Variants in ATP13A4 observed in about 807,000 individuals in gnomAD.
ATP13A4 encodes the protein ATPase 13A4.
Under a neutral mutation model 142.5 loss-of-function variants are expected in ATP13A4, and 114 were observed. The ratio of observed to expected loss-of-function variants is 0.80; its 90% CI spans 0.69 to 0.93. The LOEUF (loss-of-function observed/expected upper bound fraction) is 0.93, where lower values mean the gene tolerates loss of function less well. ATP13A4 is among the 40% of genes least tolerant of loss of function. ATP13A4 has a pLI of 0.00. For missense variants in ATP13A4, 1,392 were observed against 1,454.0 expected (o/e 0.96, Z 0.69); for synonymous variants, 488 against 514.8 (o/e 0.95, Z 0.70).
At chr3:193,554,908 G>A (rs1046684394), upstream of ATP13A4, 10 of 1,609,096 alleles carry the variant, frequency 6.2e-6, no homozygotes, top group South Asian at 3.3e-5. Context: ...AAGAGTTAAT[G>A]ATCCTCCAGG....
At chr3:193,415,790 A>C (rs1715029248) in intron 25 of ATP13A4, among the ~76,000 whole-genome samples, 1 of 152,194 alleles carries the variant, frequency 6.6e-6, no homozygotes, top group Admixed American at 6.5e-5. Context: ...TAACCATCTA[A>C]AGCCTGGAAG....
chr3:193,537,485 G>A (rs1287853168), intron 1 of ATP13A4, among the ~76,000 whole-genome samples: 1 of 152,090 alleles, frequency 6.6e-6, no homozygotes, highest in Non-Finnish European at 1.5e-5. Context: ...AAAAAATGTT[G>A]GAGAAAATCT....
chr3:193,459,106 A>G lies in ATP13A4; in HGVS notation c.1649T>C (p.Leu550Pro), dbSNP rs1717801046. 6.2e-7 allele frequency: 1 copy of G among 1,614,102 alleles called. No individual in the cohort carries two copies. The highest frequency in any genetic ancestry group is 8.5e-7 in the Non-Finnish European group (1 of 1,180,034). The stretch of plus-strand genomic sequence containing the variant: ...CCAGGTGGTGGCTTCAAACATTTTG[A>G]GGTCCAGAGGGTCTCCCTGGATGGT... ...DGTIQGDPLD[L>P]KMFEATTWEM... Residue 550 changes from leucine (L) to proline (P), a missense_variant, in exon 14 of 30, where the codon CTC becomes CCC. Leu to Pro is a moderately conservative substitution (Grantham distance 98, BLOSUM62 -3). Coordinates refer to ENST00000342695, the MANE Select transcript of ATP13A4 (RefSeq NM_032279.4).
intron 3 of ATP13A4, among the ~76,000 whole-genome samples, chr3:193,497,178 G>A (rs1220396098): frequency 3.9e-5 from 6 of 152,110 alleles, no homozygotes; most frequent in African/African-American, 1.4e-4. Context: ...CATCTGACAA[G>A]GGGTTAATAT....
chr3:193,403,695 A>C, intron 29 of ATP13A4: 1 of 932,882 alleles, frequency 1.1e-6, no homozygotes, highest in Non-Finnish European at 1.3e-6. Flanking sequence ...TGAGCCTTGA[A>C]TAGAGCCCAA....
intron 25 of ATP13A4, chr3:193,416,940 A>G (rs752035920): frequency 6.6e-6 from 1 of 152,198 alleles, no homozygotes; most frequent in Non-Finnish European, 1.5e-5. Context: ...AAAAAACAAA[A>G]CAAAACAAAG....
intron 17 of ATP13A4, among the ~76,000 whole-genome samples, chr3:193,450,746 G>A (rs768017494): frequency 2.0e-5 from 3 of 152,094 alleles, no homozygotes; most frequent in Admixed American, 1.3e-4. Context: ...AAATCTGGCC[G>A]TGGCCAACCC....
intron 1 of ATP13A4, among the ~76,000 whole-genome samples, chr3:193,537,361 A>G (rs1722643283): frequency 6.6e-6 from 1 of 151,956 alleles, no homozygotes; most frequent in Admixed American, 6.6e-5. Flanking sequence ...ACAAATGGCC[A>G]TCAAGTAATT....
chr3:193,526,957 C>T (rs2108697291), intron 1 of ATP13A4, among the ~76,000 whole-genome samples: 1 of 152,244 alleles, frequency 6.6e-6, no homozygotes, highest in South Asian at 2.1e-4. Flanking sequence ...AAAAATGCCA[C>T]ATACTCTCAA....
intron 1 of ATP13A4, among the ~76,000 whole-genome samples, chr3:193,527,512 G>T (rs9834288): frequency 0.18 from 27,508 of 151,730 alleles, 2,567 homozygotes; most frequent in East Asian, 0.24. Flanking sequence ...CTTGGGAAGC[G>T]GAGGCATGAG....
intron 2 of ATP13A4, among the ~76,000 whole-genome samples, chr3:193,503,149 G>A (rs1426066835): frequency 2.0e-5 from 3 of 152,216 alleles, no homozygotes; most frequent in South Asian, 2.1e-4. Flanking sequence ...CAGGGATCAC[G>A]TTTTATTGTT....
chr3:193,445,895 G>A (rs968423061), intron 18 of ATP13A4, among the ~76,000 whole-genome samples: 1 of 151,938 alleles, frequency 6.6e-6, no homozygotes, highest in Non-Finnish European at 1.5e-5. Flanking sequence ...ACAACTGAAC[G>A]ATTCAAAAGG....
intron 11 of ATP13A4, among the ~76,000 whole-genome samples, chr3:193,465,795 T>A (rs2108643473): frequency 6.6e-6 from 1 of 152,334 alleles, no homozygotes; most frequent in Admixed American, 6.5e-5. Context: ...AGTACACTGA[T>A]ATATCAATAA....
intron 3 of ATP13A4, among the ~76,000 whole-genome samples, chr3:193,497,367 G>A (rs916083952): frequency 2.0e-5 from 3 of 152,120 alleles, no homozygotes; most frequent in Non-Finnish European, 4.4e-5. Flanking sequence ...ACCACAGTGA[G>A]CTATCACCTC....
At chr3:193,510,393 A>T (rs1721080477) in intron 2 of ATP13A4, among the ~76,000 whole-genome samples, 1 of 152,176 alleles carries the variant, frequency 6.6e-6, no homozygotes, top group Non-Finnish European at 1.5e-5. Flanking sequence ...TCTGCACACC[A>T]CGGGTCTTTG....
At chr3:193,408,575 T>A (rs1288154875) in intron 28 of ATP13A4, among the ~76,000 whole-genome samples, 4 of 152,194 alleles carry the variant, frequency 2.6e-5, no homozygotes, top group Non-Finnish European at 4.4e-5. Flanking sequence ...GGATAAATGG[T>A]GGATACCCCA....
chr3:193,523,914 C>T (rs536676966), intron 1 of ATP13A4, among the ~76,000 whole-genome samples: 3 of 152,150 alleles, frequency 2.0e-5, no homozygotes, highest in African/African-American at 4.8e-5. Flanking sequence ...CCCACAAGAG[C>T]GGTTGTTAAA....
chr3:193,550,401 G>T (rs1723485504), intron 1 of ATP13A4, among the ~76,000 whole-genome samples: 1 of 151,344 alleles, frequency 6.6e-6, no homozygotes, highest in African/African-American at 2.4e-5. Flanking sequence ...CAACCTCCTG[G>T]ACCAAAGCGA....
chr3:193,520,014 A>C (rs1230287356), intron 1 of ATP13A4, among the ~76,000 whole-genome samples: 1 of 151,982 alleles, frequency 6.6e-6, no homozygotes, highest in East Asian at 1.9e-4. Flanking sequence ...GCTTTAATTT[A>C]TGTCATAGTA....
Sources: allele counts gnomAD v4.1 joint callset (sites outside exome capture counted in the v4.1 genomes callset), GRCh38; gene constraint gnomAD v4.1.1; transcripts MANE v1.5; gene names NCBI Gene and HGNC (gene_info 2026-07-23, HGNC 2026-07-21).